KCNIP4: variants seen among roughly 807,000 people sequenced by gnomAD.
The protein encoded by KCNIP4 is Kv channel-interacting protein 4.
Under a neutral mutation model 34.0 loss-of-function variants are expected in KCNIP4, and 12 were observed. The ratio of observed to expected loss-of-function variants is 0.35; its 90% CI spans 0.23 to 0.57. The LOEUF is 0.57. Among genes scored for constraint, KCNIP4 ranks in the 20% least tolerant of loss-of-function variants. The pLI is 0.83. For missense variants in KCNIP4, 238 were observed against 311.7 expected (o/e 0.76, Z 1.78); for synonymous variants, 124 against 102.2 (o/e 1.21, Z -1.29).
rs550512037 is a variant in KCNIP4 at position 20,786,195 on chromosome 4, C to A, written c.289-27305G>T. Among the ~76,000 whole-genome samples the A allele has an allele frequency of 5.9e-5, 9 of 152,142 alleles. No homozygotes were observed. The East Asian group carries it at 1.7e-3, about 30-fold the overall frequency. Reference sequence around the variant, plus strand: ...TACCCTACGTAAACTCACACAGGAACAGAAAACCAAATACTGCATGTACTC... The same window carrying A: ...TACCCTACGTAAACTCACACAGGAAAAGAAAACCAAATACTGCATGTACTC... On this transcript the variant is annotated intron_variant, in intron 3 of 8. Coordinates refer to ENST00000382152, the MANE Select transcript of KCNIP4 (RefSeq NM_025221.6).
chr4:21,469,959 A>G (rs1323892390), intron 1 of KCNIP4, among the ~76,000 whole-genome samples: 2 of 152,216 alleles, frequency 1.3e-5, no homozygotes, highest in Non-Finnish European at 2.9e-5. Context: ...TGGGATGTTC[A>G]TAATTTGTGT....
intron 1 of KCNIP4, among the ~76,000 whole-genome samples, chr4:21,452,765 A>C (rs1728615030): frequency 6.6e-6 from 1 of 151,024 alleles, no homozygotes; most frequent in African/African-American, 2.4e-5. Flanking sequence ...ATTGTCTGCT[A>C]TCTCTGAAAA....
intron 1 of KCNIP4, among the ~76,000 whole-genome samples, chr4:21,282,310 A>G (rs66677414): frequency 0.12 from 18,971 of 152,220 alleles, 1,435 homozygotes; most frequent in African/African-American, 0.2. Flanking sequence ...CTATAAGTAG[A>G]TATCTTTTAC....
intron 1 of KCNIP4, among the ~76,000 whole-genome samples, chr4:21,226,310 GAGGAAAGAA>G (rs1325738764): frequency 2.9e-5 from 4 of 137,390 alleles, no homozygotes. Context: ...AAAGAGAAGA[GAGGAAAGAA>G]AGGGAAGGGA....
chr4:21,577,528 G>A (rs1450087571), intron 1 of KCNIP4, among the ~76,000 whole-genome samples: 2 of 152,152 alleles, frequency 1.3e-5, no homozygotes, highest in East Asian at 3.9e-4. Flanking sequence ...CTACTTGGGA[G>A]GCTGAGGTAG....
At chr4:21,450,732 C>T (rs1466600013) in intron 1 of KCNIP4, among the ~76,000 whole-genome samples, 1 of 152,148 alleles carries the variant, frequency 6.6e-6, no homozygotes, top group Non-Finnish European at 1.5e-5. Context: ...ATCAGTGCTT[C>T]AGTTTATCAG....
chr4:20,746,178 C>CATGG (rs1441527384), intron 5 of KCNIP4, among the ~76,000 whole-genome samples: 3 of 152,164 alleles, frequency 2.0e-5, no homozygotes, highest in African/African-American at 7.2e-5. Context: ...ACATATACAC[C>CATGG]ATGGAATACT....
intron 1 of KCNIP4, among the ~76,000 whole-genome samples, chr4:21,495,924 C>G (rs1732811496): frequency 6.6e-6 from 1 of 152,196 alleles, no homozygotes; most frequent in Non-Finnish European, 1.5e-5. Flanking sequence ...ATAACTCTAG[C>G]TCACCTCCTA....
At chr4:21,431,450 C>A (rs1454466521) in intron 1 of KCNIP4, among the ~76,000 whole-genome samples, 1 of 151,956 alleles carries the variant, frequency 6.6e-6, no homozygotes, top group Non-Finnish European at 1.5e-5. Context: ...TCGACCCTTC[C>A]GAGGCTTGAT....
chr4:21,362,028 C>T (rs556840397), intron 1 of KCNIP4, among the ~76,000 whole-genome samples: 1 of 152,090 alleles, frequency 6.6e-6, no homozygotes, highest in East Asian at 1.9e-4. Flanking sequence ...AAATTAGATA[C>T]CTGCTGGGGT....
intron 1 of KCNIP4, among the ~76,000 whole-genome samples, chr4:21,362,833 C>T (rs975035713): frequency 6.6e-6 from 1 of 152,030 alleles, no homozygotes; most frequent in African/African-American, 2.4e-5. Context: ...CTTATCCCGC[C>T]GTTTATATGC....
At chr4:21,715,932 T>C (rs1432575307) in intron 1 of KCNIP4, among the ~76,000 whole-genome samples, 2 of 152,204 alleles carry the variant, frequency 1.3e-5, no homozygotes, top group Non-Finnish European at 2.9e-5. Flanking sequence ...AGTCATTTAT[T>C]AGGGAAGGAA....
At chr4:21,743,956 A>G (rs1444722051) in intron 1 of KCNIP4, among the ~76,000 whole-genome samples, 2 of 151,862 alleles carry the variant, frequency 1.3e-5, no homozygotes, top group Admixed American at 6.6e-5. Flanking sequence ...CAGAGGCTAG[A>G]TCTGCTAAAG....
intron 1 of KCNIP4, among the ~76,000 whole-genome samples, chr4:21,696,527 C>G (rs544090901): frequency 1.3e-4 from 20 of 152,114 alleles, no homozygotes; most frequent in African/African-American, 3.6e-4. Flanking sequence ...AAGTGTGTGT[C>G]CTGTTAACCA....
At chr4:21,543,736 C>G (rs1737893011) in intron 1 of KCNIP4, among the ~76,000 whole-genome samples, 1 of 152,080 alleles carries the variant, frequency 6.6e-6, no homozygotes, top group Admixed American at 6.6e-5. Context: ...TAGCCTTTTC[C>G]TTACCTACAT....
chr4:20,904,961 T>C (rs1727574288), intron 1 of KCNIP4, among the ~76,000 whole-genome samples: 1 of 152,152 alleles, frequency 6.6e-6, no homozygotes, highest in Non-Finnish European at 1.5e-5. Flanking sequence ...AGAGTAGTTT[T>C]GGAAAAAAGC....
chr4:20,916,125 C>T (rs1303330271), intron 1 of KCNIP4, among the ~76,000 whole-genome samples: 1 of 152,118 alleles, frequency 6.6e-6, no homozygotes, highest in African/African-American at 2.4e-5. Flanking sequence ...CCTCTACCTC[C>T]TACAGTCCTT....
At chr4:21,485,130 A>G (rs551180106) in intron 1 of KCNIP4, among the ~76,000 whole-genome samples, 3 of 152,296 alleles carry the variant, frequency 2.0e-5, no homozygotes, top group South Asian at 2.1e-4. Context: ...TAAAATCTTT[A>G]CACTTATCCT....
At chr4:20,924,357 C>T (rs930099788) in intron 1 of KCNIP4, among the ~76,000 whole-genome samples, 53 of 152,162 alleles carry the variant, frequency 3.5e-4, no homozygotes, top group South Asian at 2.1e-4. Context: ...AGCCTAAGCA[C>T]GATCTTTGTG....
Sources: allele counts gnomAD v4.1 joint callset (sites outside exome capture counted in the v4.1 genomes callset), GRCh38; gene constraint gnomAD v4.1.1; transcripts MANE v1.5; gene names NCBI Gene and HGNC (gene_info 2026-07-23, HGNC 2026-07-21).